The following CRACR2A variants were observed in gnomAD, a reference collection of about 807,000 sequenced individuals.
CRACR2A encodes the protein EF-hand calcium-binding domain-containing protein 4B.
CRACR2A carries 79 observed loss-of-function variants against 90.5 expected under a neutral mutation model. The observed-to-expected ratio is 0.87, with a 90% CI of 0.73 to 1.05. The LOEUF (loss-of-function observed/expected upper bound fraction) is 1.05, where lower values mean the gene tolerates loss of function less well. Ranked by LOEUF, CRACR2A falls within the 50% of genes least tolerant of loss-of-function variation. The pLI, the probability that CRACR2A is intolerant of heterozygous loss-of-function variation, is 0.00. For synonymous variants in CRACR2A, 338 were observed against 356.7 expected (o/e 0.95, Z 0.59); for missense variants, 823 against 897.2 (o/e 0.92, Z 1.06).
chr12:3,621,648 C>CAAAAAAAAAAAAAAAA lies in CRACR2A; in HGVS notation c.1933-2292_1933-2277dup, dbSNP rs557648607. Among the ~76,000 whole-genome samples, 47 of 14,580 alleles carry CAAAAAAAAAAAAAAAA rather than the reference C, an allele frequency of 3.2e-3. 8 individuals carry two copies. Among genetic ancestry groups the CAAAAAAAAAAAAAAAA allele is most frequent in the Admixed American group, 8.9e-3 (5 of 564 alleles). The allele number at this position is 14,580 out of a possible 152,430, so 9.6% of individuals were successfully genotyped here. A position where few individuals can be genotyped will look rare whatever the true frequency, so the allele number is the denominator to read the frequency against. ...CCTCAGTGACAGAGAGAGACTCTGT[C>CAAAAAAAAAAAAAAAA]AAAAAAAAAAAAAAAAAAAAAAAAA... is the stretch of plus-strand genomic sequence containing the variant. On this transcript the variant is annotated intron_variant, in intron 17 of 19. Transcript: ENST00000440314.
intron 11 of CRACR2A, among the ~76,000 whole-genome samples, chr12:3,647,280 C>T (rs1944705717): frequency 6.6e-6 from 1 of 151,606 alleles, no homozygotes. Context: ...CTTCCCTCCA[C>T]CTCTCAGCTT....
At chr12:3,731,721 T>C (rs1946363439) in intron 2 of CRACR2A, 2 of 152,258 alleles carry the variant, frequency 1.3e-5, no homozygotes, top group Admixed American at 1.3e-4. Flanking sequence ...TGAGTTAAGA[T>C]GAGGTCATAC....
chr12:3,692,130 T>G (rs1342538226), intron 4 of CRACR2A, among the ~76,000 whole-genome samples: 2 of 152,224 alleles, frequency 1.3e-5, no homozygotes, highest in Non-Finnish European at 2.9e-5. Flanking sequence ...CCTACTCATA[T>G]GCCAAATTTT....
chr12:3,682,893 C>T (rs551735130), intron 4 of CRACR2A, among the ~76,000 whole-genome samples: 1 of 151,954 alleles, frequency 6.6e-6, no homozygotes, highest in Non-Finnish European at 1.5e-5. Flanking sequence ...AGTGATTCTC[C>T]TGCCACAGCC....
chr12:3,675,467 G>A (rs1160667258), intron 6 of CRACR2A, among the ~76,000 whole-genome samples: 2 of 152,154 alleles, frequency 1.3e-5, no homozygotes, highest in Non-Finnish European at 2.9e-5. Flanking sequence ...CATGAAGGCA[G>A]AGCCCTCACA....
rs187690024 is a variant in CRACR2A, at chr12:3,656,255, A to G, written c.858+56T>C. 5.2e-6 allele frequency: 8 copies of G among 1,545,612 alleles called. No individual in the cohort carries two copies. In the East Asian group the frequency reaches 9.0e-5, roughly 17 times the overall value. On this transcript the variant is annotated intron_variant, in intron 9 of 19. Transcript: ENST00000440314. ...ATGGCAGGGAAAGTGGGCAAGAGGCAGAGAAAAGGAGAGAGTGAAGAGCCA... is the reference window on the plus strand; with the variant it reads ...ATGGCAGGGAAAGTGGGCAAGAGGCGGAGAAAAGGAGAGAGTGAAGAGCCA...
chr12:3,752,829 A>G (rs1946729877), intron 1 of CRACR2A, among the ~76,000 whole-genome samples, 186 bp downstream of exon 1: 1 of 152,272 alleles, frequency 6.6e-6, no homozygotes, highest in East Asian at 1.9e-4. Context: ...AGCAAGGGCC[A>G]GGCCAGGCCT....
In CRACR2A at chr12:3,680,365, A is replaced by C. The variant is rs1489604424; in HGVS notation, c.229-16T>G. ...TATGCAGCCTCTGAAAACAACCCAG[A>C]GTGTACTGGTTAACACTGACACTCA... On this transcript the variant is annotated splice_polypyrimidine_tract_variant and intron_variant, in intron 4 of 19. Transcript: ENST00000440314. The C allele has an allele frequency of 6.2e-7, 1 of 1,606,784 alleles. No individual in the cohort carries two copies. The highest frequency in any genetic ancestry group is 8.5e-7 in the Non-Finnish European group (1 of 1,175,128).
At chr12:3,622,301 C>A (rs1273030921) in intron 17 of CRACR2A, among the ~76,000 whole-genome samples, 1 of 152,218 alleles carries the variant, frequency 6.6e-6, no homozygotes, top group Non-Finnish European at 1.5e-5. Flanking sequence ...TCATCAGGCA[C>A]ACAATCTCTC....
At chr12:3,675,259 C>T (rs1591677870) in intron 6 of CRACR2A, among the ~76,000 whole-genome samples, 1 of 152,256 alleles carries the variant, frequency 6.6e-6, no homozygotes, top group Admixed American at 6.5e-5. Flanking sequence ...GCTAGCAATG[C>T]CCCTGTGGTA....
rs560936427 is a variant in CRACR2A at position 3,747,927 on chromosome 12, C to T, written c.-387+5088G>A. ...AGTTCCACAGGCTCAGGGGTACACC[C>T]AGAAGGGCACAGAGCTCCACAGGCT... is the stretch of plus-strand genomic sequence containing the variant. On this transcript the variant is annotated intron_variant, in intron 1 of 19. Transcript: ENST00000440314. 3.3e-5 allele frequency among the ~76,000 whole-genome samples: 5 copies of T among 150,954 alleles called. No individual in the cohort carries two copies. The East Asian group carries it at 9.8e-4, about 30-fold the overall frequency.
chr12:3,667,314 T>C (rs1173051803), intron 7 of CRACR2A, among the ~76,000 whole-genome samples: 1 of 152,144 alleles, frequency 6.6e-6, no homozygotes, highest in East Asian at 1.9e-4. Context: ...GCAGCCTAGG[T>C]TGTAAAATAG....
At chr12:3,661,595 G>A (rs909746598) in intron 7 of CRACR2A, among the ~76,000 whole-genome samples, 3 of 152,182 alleles carry the variant, frequency 2.0e-5, no homozygotes, top group Admixed American at 6.5e-5. Flanking sequence ...AAATCTTGGA[G>A]GGAAAGTAAG....
intron 6 of CRACR2A, among the ~76,000 whole-genome samples, chr12:3,674,153 G>A (rs530006199): frequency 1.6e-4 from 24 of 152,324 alleles, no homozygotes; most frequent in South Asian, 1.0e-3. Context: ...AGGTAAAGAC[G>A]TGCCATGTGA....
chr12:3,745,923 G>A (rs1946618747), intron 1 of CRACR2A, among the ~76,000 whole-genome samples: 2 of 152,128 alleles, frequency 1.3e-5, no homozygotes, highest in South Asian at 4.2e-4. Flanking sequence ...AAGGCAGGAG[G>A]TGTCTCTCTG....
intron 2 of CRACR2A, among the ~76,000 whole-genome samples, chr12:3,715,015 C>T (rs913005374): frequency 6.6e-6 from 1 of 152,230 alleles, no homozygotes; most frequent in Non-Finnish European, 1.5e-5. Flanking sequence ...ATTCAGAAAG[C>T]CACTGAGCCC....
chr12:3,618,170 C>CAA (rs60389598), intron 18 of CRACR2A, among the ~76,000 whole-genome samples: 25,263 of 128,242 alleles, frequency 0.2, 2,531 homozygotes, highest in African/African-American at 0.31. Context: ...TTTTCACTAA[C>CAA]AAAAAAAAAA....
At chr12:3,706,426 G>A (rs970986824) in intron 3 of CRACR2A, among the ~76,000 whole-genome samples, 2 of 152,202 alleles carry the variant, frequency 1.3e-5, no homozygotes, top group African/African-American at 4.8e-5. Context: ...AGGGGGCTTT[G>A]GACAAATACC....
At position 3,616,021 on chromosome 12, in the gene CRACR2A, G is replaced by A. The variant is rs959192806; in HGVS notation, c.2112-582C>T. On this transcript the variant is annotated intron_variant, in intron 19 of 19. Coordinates refer to ENST00000440314, the MANE Select transcript of CRACR2A (RefSeq NM_001144958.2). ...CTCTATACTTTCCAAACGCTTTTGC[G>A]TTACGCACCTCCTTTGATTCTCTCA... 8.5e-5 allele frequency among the ~76,000 whole-genome samples: 13 copies of A among 152,214 alleles called. 1 individual carries two copies. Among genetic ancestry groups the A allele is most frequent in the African/African-American group, 2.2e-4 (9 of 41,448 alleles).
Sources: gnomAD v4.1 joint callset for allele counts (sites outside exome capture counted in the v4.1 genomes callset) on GRCh38, gnomAD v4.1.1 for gene constraint, MANE v1.5 for transcripts, NCBI Gene and HGNC (gene_info 2026-07-23, HGNC 2026-07-21) for gene names.